The following PPP2R5E variants were observed in gnomAD, a reference collection of about 807,000 sequenced individuals.
The protein encoded by PPP2R5E is serine/threonine-protein phosphatase 2A 56 kDa regulatory subunit epsilon isoform.
Under a neutral mutation model 65.3 loss-of-function variants are expected in PPP2R5E, and 4 were observed. That is an observed-to-expected ratio of 0.06 (90% CI 0.03 to 0.14). The LOEUF (loss-of-function observed/expected upper bound fraction) is 0.14, where lower values mean the gene tolerates loss of function less well. Ranked by LOEUF, PPP2R5E falls within the 10% of genes least tolerant of loss-of-function variation. The pLI is 1.00. For synonymous variants in PPP2R5E, 183 were observed against 187.4 expected (o/e 0.98, Z 0.19); for missense variants, 274 against 556.1 (o/e 0.49, Z 5.10).
At position 63,520,075 on chromosome 14, in the gene PPP2R5E, G is replaced by A. The variant is rs141384329; in HGVS notation, c.157+19454C>T. 9.4e-3 allele frequency among the ~76,000 whole-genome samples: 1,404 copies of A among 149,812 alleles called. 23 individuals carry two copies. The highest frequency in any genetic ancestry group is 0.033 in the African/African-American group (1,346 of 40,728). On this transcript the variant is annotated intron_variant, in intron 2 of 13. Coordinates refer to ENST00000337537, the MANE Select transcript of PPP2R5E (RefSeq NM_006246.5). Reference sequence around the variant, plus strand: ...TTTTGAAACGGAGTCTCGCTCTGTCGCGCAGGCTGGAGTGCAGTGGCGCAA... The same window carrying A: ...TTTTGAAACGGAGTCTCGCTCTGTCACGCAGGCTGGAGTGCAGTGGCGCAA...
At chr14:63,531,281 C>T (rs1418280849) in intron 2 of PPP2R5E, among the ~76,000 whole-genome samples, 3 of 151,436 alleles carry the variant, frequency 2.0e-5, no homozygotes, top group East Asian at 1.9e-4. Flanking sequence ...CTATCCGTCC[C>T]CCATCCCCCC....
chr14:63,420,259 TGTTAA>T (rs1334303262), intron 4 of PPP2R5E, among the ~76,000 whole-genome samples: 1 of 152,190 alleles, frequency 6.6e-6, no homozygotes, highest in Non-Finnish European at 1.5e-5. Context: ...TTTTTGTTGT[TGTTAA>T]GTTTCTTCCA....
chr14:63,452,690 T>A (rs531529229), intron 3 of PPP2R5E: 27 of 152,232 alleles, frequency 1.8e-4, no homozygotes, highest in Non-Finnish European at 3.7e-4. Context: ...CTTCATTATT[T>A]CAGTCACAGT....
chr14:63,446,518 G>A (rs1275043982), intron 3 of PPP2R5E, among the ~76,000 whole-genome samples: 1 of 152,198 alleles, frequency 6.6e-6, no homozygotes, highest in African/African-American at 2.4e-5. Flanking sequence ...AAGATTGGAT[G>A]GTATGTCAGC....
intron 2 of PPP2R5E, among the ~76,000 whole-genome samples, chr14:63,474,223 G>A (rs1458515301): frequency 6.6e-6 from 1 of 152,132 alleles, no homozygotes; most frequent in Non-Finnish European, 1.5e-5. Flanking sequence ...AAACTACTCT[G>A]GGGGGAGAAT....
intron 2 of PPP2R5E, among the ~76,000 whole-genome samples, chr14:63,454,705 G>A (rs2139482382): frequency 6.6e-6 from 1 of 152,250 alleles, no homozygotes; most frequent in African/African-American, 2.4e-5. Context: ...TCTACAGTTG[G>A]ACTTCAAATA....
At chr14:63,487,817 C>A (rs1891068373) in intron 2 of PPP2R5E, among the ~76,000 whole-genome samples, 1 of 152,264 alleles carries the variant, frequency 6.6e-6, no homozygotes, top group Non-Finnish European at 1.5e-5. Context: ...TCAACATAAT[C>A]ACTTTTTCTT....
chr14:63,509,420 C>T lies in PPP2R5E; in HGVS notation c.157+30109G>A, dbSNP rs554185835. ...TCCCAAGTAGCTGGGATTACAGATA[C>T]GCACCACCACACCCAGCTAATTTTT... is the stretch of plus-strand genomic sequence containing the variant. On this transcript the variant is annotated intron_variant, in intron 2 of 13. Coordinates refer to ENST00000337537, the MANE Select transcript of PPP2R5E (RefSeq NM_006246.5). 5.3e-5 allele frequency among the ~76,000 whole-genome samples: 8 copies of T among 151,632 alleles called. No homozygotes were observed. In the South Asian group the frequency reaches 8.4e-4, roughly 16 times the overall value.
At chr14:63,465,471 A>C (rs1019857250) in intron 2 of PPP2R5E, among the ~76,000 whole-genome samples, 36 of 78,352 alleles carry the variant, frequency 4.6e-4, no homozygotes, top group African/African-American at 2.3e-3. Flanking sequence ...AAAAAAAAAA[A>C]AACAACAACT....
chr14:63,424,009 T>C lies in PPP2R5E; in HGVS notation c.355-1915A>G, dbSNP rs77353362. 7.2e-3 allele frequency among the ~76,000 whole-genome samples: 1,087 copies of C among 151,702 alleles called. 19 individuals carry two copies. Among genetic ancestry groups the C allele is most frequent in the African/African-American group, 0.025 (1,030 of 41,424 alleles). The stretch of plus-strand genomic sequence containing the variant: ...TCTGATTTTTGCTTAAAAAAAAAAA[T>C]CACTCCAACAGCTATGTATAGAATA... On this transcript the variant is annotated intron_variant, in intron 3 of 13. Transcript: ENST00000337537.
chr14:63,473,215 A>G (rs567908769), intron 2 of PPP2R5E, among the ~76,000 whole-genome samples: 2 of 152,360 alleles, frequency 1.3e-5, no homozygotes, highest in East Asian at 3.9e-4. Flanking sequence ...AGTGGCAACA[A>G]CAGAATGTGA....
At chr14:63,479,863 C>G (rs1180124664) in intron 2 of PPP2R5E, among the ~76,000 whole-genome samples, 1 of 152,186 alleles carries the variant, frequency 6.6e-6, no homozygotes, top group African/African-American at 2.4e-5. Context: ...GAAATTTCAT[C>G]TGGTTCAACC....
rs377530818 is a variant in PPP2R5E at position 63,521,439 on chromosome 14, C to T, written c.157+18090G>A. Among the ~76,000 whole-genome samples, 28 of 152,244 alleles carry T rather than the reference C, an allele frequency of 1.8e-4. No homozygotes were observed. In the East Asian group the frequency reaches 4.3e-3, roughly 23 times the overall value. ...ATCCCAGCACTTTGGGAGGCGGAGG[C>T]GGGCAGACCACAAGGTCAGGAGTTC... On this transcript the variant is annotated intron_variant, in intron 2 of 13. Coordinates refer to ENST00000337537, the MANE Select transcript of PPP2R5E (RefSeq NM_006246.5).
chr14:63,461,920 T>A (rs779640459), intron 2 of PPP2R5E, among the ~76,000 whole-genome samples: 2 of 152,060 alleles, frequency 1.3e-5, no homozygotes, highest in Admixed American at 6.6e-5. Context: ...TTCCTTTCTC[T>A]TCTTATTTTT....
At chr14:63,518,872 A>G (rs1892768305) in intron 2 of PPP2R5E, among the ~76,000 whole-genome samples, 2 of 152,132 alleles carry the variant, frequency 1.3e-5, no homozygotes, top group African/African-American at 4.8e-5. Flanking sequence ...TTATTCCTTT[A>G]CTTTCTTAAT....
At chr14:63,483,627 G>A (rs761507818) in intron 2 of PPP2R5E, among the ~76,000 whole-genome samples, 17 of 152,182 alleles carry the variant, frequency 1.1e-4, no homozygotes, top group Non-Finnish European at 2.2e-4. Context: ...TCCATTTTCT[G>A]CTGTGGGGTC....
intron 5 of PPP2R5E, among the ~76,000 whole-genome samples, chr14:63,408,694 T>C (rs966300296): frequency 6.6e-6 from 1 of 152,240 alleles, no homozygotes; most frequent in African/African-American, 2.4e-5. Context: ...ATCTTTCTGA[T>C]GGTGAGTCTT....
chr14:63,497,445 A>G (rs904600905), intron 2 of PPP2R5E, among the ~76,000 whole-genome samples: 5 of 152,120 alleles, frequency 3.3e-5, no homozygotes, highest in Non-Finnish European at 7.4e-5. Context: ...CAGGGTAACT[A>G]AATGAGTATA....
chr14:63,501,875 A>G (rs540938870), intron 2 of PPP2R5E, among the ~76,000 whole-genome samples: 10 of 152,322 alleles, frequency 6.6e-5, no homozygotes, highest in African/African-American at 2.4e-4. Context: ...AATTATTTCC[A>G]AATAAAAATT....
Sources: gnomAD v4.1 joint callset for allele counts (sites outside exome capture counted in the v4.1 genomes callset) on GRCh38, gnomAD v4.1.1 for gene constraint, MANE v1.5 for transcripts, NCBI Gene and HGNC (gene_info 2026-07-23, HGNC 2026-07-21) for gene names.